NKAIN3: variants seen among roughly 807,000 people sequenced by gnomAD.
NKAIN3 encodes the protein sodium/potassium transporting ATPase interacting 3.
NKAIN3 carries 25 observed loss-of-function variants against 30.2 expected under a neutral mutation model. The observed-to-expected ratio is 0.83, with a 90% CI of 0.60 to 1.16. The LOEUF is 1.16. NKAIN3 is among the 50% of genes most tolerant of loss of function. The pLI, the probability that NKAIN3 is intolerant of heterozygous loss-of-function variation, is 0.00. For synonymous variants in NKAIN3, 91 were observed against 89.6 expected (o/e 1.02, Z -0.09); for missense variants, 225 against 254.1 (o/e 0.89, Z 0.78).
intron 3 of NKAIN3, among the ~76,000 whole-genome samples, chr8:62,719,199 G>T (rs911082780): frequency 1.3e-5 from 2 of 152,176 alleles, no homozygotes; most frequent in Non-Finnish European, 1.5e-5. Context: ...CAGGTGTGCG[G>T]TTGACTATGG....
chr8:62,529,049 G>A (rs1808404088), intron 1 of NKAIN3, among the ~76,000 whole-genome samples: 2 of 152,062 alleles, frequency 1.3e-5, no homozygotes, highest in Non-Finnish European at 2.9e-5. Flanking sequence ...TAGACAAGCA[G>A]CTCTCAATCT....
intron 4 of NKAIN3, among the ~76,000 whole-genome samples, chr8:62,864,764 C>T (rs1386061695): frequency 6.6e-6 from 1 of 152,028 alleles, no homozygotes; most frequent in Non-Finnish European, 1.5e-5. Context: ...TTGATGAATC[C>T]CCTGGATACA....
chr8:62,593,081 A>G (rs970552809), intron 3 of NKAIN3, among the ~76,000 whole-genome samples: 5 of 151,984 alleles, frequency 3.3e-5, no homozygotes, highest in African/African-American at 1.2e-4. Flanking sequence ...TGAACAACAC[A>G]AAGTCAAACA....
At chr8:62,553,439 G>A (rs1224930783) in intron 1 of NKAIN3, among the ~76,000 whole-genome samples, 3 of 151,974 alleles carry the variant, frequency 2.0e-5, no homozygotes, top group Admixed American at 2.0e-4. Context: ...AGCTGATCTA[G>A]GCCTTGGATT....
At chr8:62,768,922 T>C (rs984034444) in intron 4 of NKAIN3, among the ~76,000 whole-genome samples, 11 of 152,216 alleles carry the variant, frequency 7.2e-5, no homozygotes, top group Non-Finnish European at 1.5e-5. Context: ...AAAAAAGTTA[T>C]GGTTCCAAAG....
chr8:62,250,001 T>G (rs982470399), intron 1 of NKAIN3, among the ~76,000 whole-genome samples: 6 of 152,168 alleles, frequency 3.9e-5, no homozygotes, highest in Non-Finnish European at 8.8e-5. Flanking sequence ...TGTGAGAGAT[T>G]AATAGACATC....
intron 1 of NKAIN3, among the ~76,000 whole-genome samples, chr8:62,558,990 T>G (rs977636431): frequency 6.6e-6 from 1 of 152,082 alleles, no homozygotes; most frequent in African/African-American, 2.4e-5. Context: ...GAGTTTCTTG[T>G]GTTTCTGCTA....
At chr8:62,783,517 TA>T (rs1470022935) in intron 4 of NKAIN3, among the ~76,000 whole-genome samples, 7 of 151,074 alleles carry the variant, frequency 4.6e-5, no homozygotes, top group Non-Finnish European at 7.4e-5. Context: ...AGCAAGGATA[TA>T]AAAGACCTCC....
rs147416716 is a variant in NKAIN3, at chr8:62,711,279, G to C, written c.274-35653G>C. Among the ~76,000 whole-genome samples the C allele has an allele frequency of 1.9e-3, 290 of 152,234 alleles. 2 individuals carry two copies. The highest frequency in any genetic ancestry group is 6.3e-3 in the African/African-American group (260 of 41,536). On this transcript the variant is annotated intron_variant, in intron 3 of 6. Transcript: ENST00000623646. ...TGTGCTTCTTGTATTTGGATGTCTAGGTCTCTAGAAAGGCTGGGGAGGTTT... is the reference window on the plus strand; with the variant it reads ...TGTGCTTCTTGTATTTGGATGTCTACGTCTCTAGAAAGGCTGGGGAGGTTT...
chr8:62,438,015 C>T (rs1805220057), intron 1 of NKAIN3, among the ~76,000 whole-genome samples: 1 of 152,162 alleles, frequency 6.6e-6, no homozygotes, highest in Non-Finnish European at 1.5e-5. Context: ...CAAATTTTCT[C>T]TCATAAACCT....
At chr8:62,542,207 C>T (rs886652927) in intron 1 of NKAIN3, among the ~76,000 whole-genome samples, 2 of 152,108 alleles carry the variant, frequency 1.3e-5, no homozygotes, top group Admixed American at 1.3e-4. Context: ...TTGTGTAACC[C>T]TCTAGCTTTC....
intron 4 of NKAIN3, among the ~76,000 whole-genome samples, chr8:62,904,073 C>T (rs180754858): frequency 1.5e-4 from 23 of 152,300 alleles, no homozygotes; most frequent in Admixed American, 2.0e-4. Flanking sequence ...GCCCTCAACC[C>T]CTTAGAAGAT....
At chr8:62,934,264 G>C (rs1822714626) in intron 5 of NKAIN3, among the ~76,000 whole-genome samples, 1 of 151,310 alleles carries the variant, frequency 6.6e-6, no homozygotes, top group Admixed American at 6.6e-5. Context: ...GCTGGTGCTT[G>C]CTGCTTGGAA....
At chr8:62,288,405 C>T (rs149273385) in intron 1 of NKAIN3, among the ~76,000 whole-genome samples, 2,143 of 152,192 alleles carry the variant, frequency 0.014, 31 homozygotes, top group Non-Finnish European at 0.02. Context: ...ACCTACCTGA[C>T]GACAGGCCCT....
chr8:62,286,043 A>C (rs992189442), intron 1 of NKAIN3, among the ~76,000 whole-genome samples: 1 of 152,204 alleles, frequency 6.6e-6, no homozygotes, highest in Non-Finnish European at 1.5e-5. Flanking sequence ...CTAGCCAAGT[A>C]CTACGTATAT....
At chr8:62,366,951 T>G (rs934512139) in intron 1 of NKAIN3, among the ~76,000 whole-genome samples, 6 of 152,300 alleles carry the variant, frequency 3.9e-5, no homozygotes, top group Non-Finnish European at 8.8e-5. Flanking sequence ...TTTTTGACTC[T>G]TGGTTATTTA....
chr8:62,778,712 G>A (rs919272539), intron 4 of NKAIN3, among the ~76,000 whole-genome samples: 4 of 151,974 alleles, frequency 2.6e-5, no homozygotes, highest in Admixed American at 1.3e-4. Context: ...CACTGTGGCC[G>A]AGCTGGTATC....
At chr8:62,884,887 T>A (rs1821096594) in intron 4 of NKAIN3, among the ~76,000 whole-genome samples, 2 of 152,130 alleles carry the variant, frequency 1.3e-5, no homozygotes, top group East Asian at 3.9e-4. Flanking sequence ...TGGCTACAGG[T>A]GTATCAATGT....
chr8:62,294,376 C>T (rs941376035), intron 1 of NKAIN3, among the ~76,000 whole-genome samples: 12 of 152,000 alleles, frequency 7.9e-5, no homozygotes, highest in African/African-American at 2.7e-4. Context: ...AGTAGGCACT[C>T]GAAAATATGT....
Sources: allele counts gnomAD v4.1 joint callset (sites outside exome capture counted in the v4.1 genomes callset), GRCh38; gene constraint gnomAD v4.1.1; transcripts MANE v1.5; gene names NCBI Gene and HGNC (gene_info 2026-07-23, HGNC 2026-07-21).